The following NCAM2 variants were observed in gnomAD, a reference collection of about 807,000 sequenced individuals.
The protein encoded by NCAM2 is neural cell adhesion molecule 2, also known as N-CAM-2.
NCAM2 carries 30 observed loss-of-function variants against 98.1 expected under a neutral mutation model. The observed-to-expected ratio is 0.31, with a 90% CI of 0.23 to 0.41. The LOEUF is 0.41. Ranked by LOEUF, NCAM2 falls within the 10% of genes least tolerant of loss-of-function variation. The pLI is 1.00. For synonymous variants in NCAM2, 368 were observed against 342.4 expected, an observed-to-expected ratio of 1.07 and a Z score of -0.83; for missense variants, 867 against 1,005.8, an observed-to-expected ratio of 0.86 and a Z score of 1.87.
At position 21,157,941 on chromosome 21, in the gene NCAM2, A is replaced by G. The variant is rs185842231; in HGVS notation, c.56-122637A>G. On this transcript the variant is annotated intron_variant, in intron 1 of 17. Transcript: ENST00000400546. ...TCCTCCTAATACAAAAGATGTTTGT[A>G]TTTAATATGAGGGAACCAAGTAGGT... 6.8e-4 allele frequency among the ~76,000 whole-genome samples: 103 copies of G among 152,276 alleles called. 1 individual carries two copies. The highest frequency in any genetic ancestry group is 2.2e-3 in the African/African-American group (90 of 41,560).
chr21:21,292,602 T>C (rs2073337951), intron 5 of NCAM2, among the ~76,000 whole-genome samples: 1 of 151,984 alleles, frequency 6.6e-6, no homozygotes, highest in Admixed American at 6.6e-5. Flanking sequence ...CATATTTTAC[T>C]CTACATGTTT....
intron 5 of NCAM2, among the ~76,000 whole-genome samples, chr21:21,320,187 G>A (rs1422127329): frequency 6.6e-6 from 1 of 152,150 alleles, no homozygotes; most frequent in African/African-American, 2.4e-5. Flanking sequence ...CGTCAAATAT[G>A]CATAGAAATG....
At chr21:21,430,633 A>C (rs538468186) in intron 11 of NCAM2, among the ~76,000 whole-genome samples, 1 of 152,158 alleles carries the variant, frequency 6.6e-6, no homozygotes, top group East Asian at 1.9e-4. Context: ...GACCATTTAT[A>C]AAACAATCTT....
chr21:21,157,477 A>G (rs2067650041), intron 1 of NCAM2, among the ~76,000 whole-genome samples: 1 of 152,176 alleles, frequency 6.6e-6, no homozygotes, highest in African/African-American at 2.4e-5. Context: ...TTTTGAAGAT[A>G]CCATATAGGG....
intron 1 of NCAM2, among the ~76,000 whole-genome samples, chr21:21,180,067 G>T (rs1367827356): frequency 2.6e-5 from 4 of 152,100 alleles, no homozygotes; most frequent in African/African-American, 9.7e-5. Context: ...TTTTGAGCAG[G>T]ACTTCATTTG....
chr21:21,470,149 C>T (rs1455116041), intron 14 of NCAM2, among the ~76,000 whole-genome samples: 1 of 151,938 alleles, frequency 6.6e-6, no homozygotes, highest in Non-Finnish European at 1.5e-5. Context: ...TCAGTAGTGG[C>T]CCCAGTCATT....
At chr21:21,396,441 T>C (rs1569017239) in intron 9 of NCAM2, among the ~76,000 whole-genome samples, 1 of 152,198 alleles carries the variant, frequency 6.6e-6, no homozygotes, top group Non-Finnish European at 1.5e-5. Context: ...ATGGGATCTT[T>C]ACAGTGTCAC....
intron 1 of NCAM2, among the ~76,000 whole-genome samples, chr21:21,072,893 T>C (rs1446920583): frequency 6.6e-6 from 1 of 152,082 alleles, no homozygotes; most frequent in Non-Finnish European, 1.5e-5. Flanking sequence ...ATATTCACAA[T>C]GTTGTGTGAC....
chr21:21,227,738 A>G (rs528033750), intron 1 of NCAM2, among the ~76,000 whole-genome samples: 2 of 151,934 alleles, frequency 1.3e-5, no homozygotes, highest in East Asian at 1.9e-4. Flanking sequence ...AAATCATTCA[A>G]TTAATAATTG....
At chr21:21,106,650 A>C (rs986241874) in intron 1 of NCAM2, among the ~76,000 whole-genome samples, 1 of 151,694 alleles carries the variant, frequency 6.6e-6, no homozygotes, top group Non-Finnish European at 1.5e-5. Flanking sequence ...ATTTTTATCT[A>C]TTGGTATTAA....
At chr21:21,030,282 G>A (rs1568944905) in intron 1 of NCAM2, among the ~76,000 whole-genome samples, 1 of 152,116 alleles carries the variant, frequency 6.6e-6, no homozygotes, top group Non-Finnish European at 1.5e-5. Flanking sequence ...TTGTGACTTA[G>A]TTTGAAGACA....
chr21:21,117,322 C>T (rs894640983), intron 1 of NCAM2, among the ~76,000 whole-genome samples: 1 of 150,778 alleles, frequency 6.6e-6, no homozygotes, highest in East Asian at 1.9e-4. Context: ...TCGGTATATT[C>T]ATTGTGGAAA....
intron 1 of NCAM2, among the ~76,000 whole-genome samples, chr21:21,247,434 AG>A (rs1255753393): frequency 6.6e-6 from 1 of 152,252 alleles, no homozygotes; most frequent in East Asian, 1.9e-4. Flanking sequence ...TGAAATTAAA[AG>A]TTTAAGATCT....
intron 16 of NCAM2, among the ~76,000 whole-genome samples, chr21:21,531,144 T>A (rs927145092): frequency 2.6e-5 from 4 of 152,180 alleles, no homozygotes; most frequent in Non-Finnish European, 4.4e-5. Flanking sequence ...CCTTTTCTCT[T>A]ACTTGTTGCT....
intron 1 of NCAM2, among the ~76,000 whole-genome samples, chr21:21,214,158 G>A (rs561423903): frequency 6.6e-6 from 1 of 152,088 alleles, no homozygotes; most frequent in Non-Finnish European, 1.5e-5. Flanking sequence ...GTGTTGTGTG[G>A]GTGTATTTTG....
At chr21:21,234,789 C>T (rs986312311) in intron 1 of NCAM2, among the ~76,000 whole-genome samples, 3 of 151,812 alleles carry the variant, frequency 2.0e-5, no homozygotes, top group Admixed American at 1.3e-4. Context: ...CATTACCTTA[C>T]GAGAAATGCC....
chr21:21,098,831 A>T (rs528308001), intron 1 of NCAM2, among the ~76,000 whole-genome samples: 7 of 151,934 alleles, frequency 4.6e-5, no homozygotes, highest in Non-Finnish European at 5.9e-5. Flanking sequence ...TAAAAAATTC[A>T]GTTTTGTTCA....
At chr21:21,229,813 T>C (rs1223388233) in intron 1 of NCAM2, among the ~76,000 whole-genome samples, 2 of 151,456 alleles carry the variant, frequency 1.3e-5, no homozygotes, top group Non-Finnish European at 3.0e-5. Flanking sequence ...ATAAGGATTT[T>C]TCATGAACCA....
intron 1 of NCAM2, among the ~76,000 whole-genome samples, chr21:21,069,394 A>G (rs1347220789): frequency 6.6e-6 from 1 of 152,186 alleles, no homozygotes; most frequent in Non-Finnish European, 1.5e-5. Flanking sequence ...TATCAACATC[A>G]TCTCCTTCCT....
Sources: gnomAD v4.1 joint callset for allele counts (sites outside exome capture counted in the v4.1 genomes callset) on GRCh38, gnomAD v4.1.1 for gene constraint, MANE v1.5 for transcripts, NCBI Gene and HGNC (gene_info 2026-07-23, HGNC 2026-07-21) for gene names.